The following PHF21B variants were observed in gnomAD, a reference collection of about 807,000 sequenced individuals.
The protein encoded by PHF21B is PHD finger protein 4.
Under a neutral mutation model 62.2 loss-of-function variants are expected in PHF21B, and 22 were observed. The observed-to-expected ratio is 0.35, with a 90% CI of 0.25 to 0.51. The LOEUF is 0.51. Ranked by LOEUF, PHF21B falls within the 20% of genes least tolerant of loss-of-function variation. The pLI is 0.97. For missense variants in PHF21B, 701 were observed against 707.9 expected (o/e 0.99, Z 0.11); for synonymous variants, 341 against 314.7 (o/e 1.08, Z -0.88).
intron 2 of PHF21B, among the ~76,000 whole-genome samples, chr22:44,954,454 G>A (rs2072254625): frequency 6.6e-6 from 1 of 152,086 alleles, no homozygotes; most frequent in Admixed American, 6.5e-5. Context: ...CAGCTACAGT[G>A]AATGAAGAAA....
At chr22:45,001,556 T>C (rs1026851598) in intron 2 of PHF21B, among the ~76,000 whole-genome samples, 2 of 152,164 alleles carry the variant, frequency 1.3e-5, no homozygotes, top group Non-Finnish European at 2.9e-5. Flanking sequence ...CCCAACTGCA[T>C]GTGAAAACAG....
At chr22:44,893,287 G>A (rs967271147) in intron 7 of PHF21B, among the ~76,000 whole-genome samples, 170 bp downstream of exon 7, 5 of 152,154 alleles carry the variant, frequency 3.3e-5, no homozygotes, top group Admixed American at 2.0e-4. Context: ...CTGTCAACTC[G>A]GAGGTGATGA....
intron 2 of PHF21B, among the ~76,000 whole-genome samples, chr22:44,988,868 G>C (rs867072557): frequency 6.6e-6 from 1 of 152,194 alleles, no homozygotes; most frequent in Non-Finnish European, 1.5e-5. Flanking sequence ...TCCACGTGGA[G>C]GGCCCCAGCA....
chr22:44,995,981 G>A (rs1601692528), intron 2 of PHF21B, among the ~76,000 whole-genome samples: 1 of 152,182 alleles, frequency 6.6e-6, no homozygotes, highest in East Asian at 1.9e-4. Flanking sequence ...AGTTCACCTC[G>A]ATCTGCAGGG....
At position 44,966,071 on chromosome 22, in the gene PHF21B, C is replaced by T. The variant is rs146329739; in HGVS notation, c.120+42474G>A. Among the ~76,000 whole-genome samples the T allele has an allele frequency of 6.7e-3, 1,020 of 152,306 alleles. 18 individuals are homozygous for T. The highest frequency in any genetic ancestry group is 0.023 in the African/African-American group (957 of 41,562). On this transcript the variant is annotated intron_variant, in intron 2 of 12. Coordinates refer to ENST00000313237, the MANE Select transcript of PHF21B (RefSeq NM_138415.5). ...CCAGCCATCCCTCCAGCCTGGAAAG[C>T]CCCTTCCACAGCTCAACTCTCCTCC...
intron 5 of PHF21B, among the ~76,000 whole-genome samples, chr22:44,900,761 C>A (rs1395218166): frequency 6.7e-6 from 1 of 150,148 alleles, no homozygotes; most frequent in Non-Finnish European, 1.5e-5. Context: ...ACCAGCTTAA[C>A]TGCTTTCCCT....
At chr22:44,983,575 G>A (rs908068049) in intron 2 of PHF21B, among the ~76,000 whole-genome samples, 1 of 152,216 alleles carries the variant, frequency 6.6e-6, no homozygotes, top group Non-Finnish European at 1.5e-5. Context: ...AAGGGCAGGC[G>A]AGGGAGGCTT....
chr22:44,958,756 C>A (rs900590193), intron 2 of PHF21B, among the ~76,000 whole-genome samples: 1 of 151,916 alleles, frequency 6.6e-6, no homozygotes, highest in Non-Finnish European at 1.5e-5. Flanking sequence ...CAGGCGCCTG[C>A]CACCACACCT....
intron 5 of PHF21B, among the ~76,000 whole-genome samples, chr22:44,899,362 C>T (rs951894202): frequency 6.9e-6 from 1 of 144,816 alleles, no homozygotes; most frequent in Admixed American, 7.2e-5. Flanking sequence ...ATGATCTCAG[C>T]TCACTGCAAT....
At chr22:44,948,458 G>A (rs573116482) in intron 2 of PHF21B, among the ~76,000 whole-genome samples, 18 of 152,226 alleles carry the variant, frequency 1.2e-4, no homozygotes, top group African/African-American at 4.3e-4. Flanking sequence ...GAGGCGGGCA[G>A]ATCATCTGAT....
chr22:44,917,095 C>T lies in PHF21B; in HGVS notation c.214-465G>A, dbSNP rs114764791. ...TTCTGCTTCTCAGTCTGGGTGGGGG[C>T]TGCTGCTGCGCTCCCGTGAAAACCA... On this transcript the variant is annotated intron_variant, in intron 3 of 12. Transcript: ENST00000313237. Among the ~76,000 whole-genome samples, 512 of 152,322 alleles carry T rather than the reference C, an allele frequency of 3.4e-3. 5 individuals carry two copies. Among genetic ancestry groups the T allele is most frequent in the African/African-American group, 0.012 (483 of 41,578 alleles).
chr22:44,899,285 C>CTTTTTTTTTTTTTT (rs71188499), intron 5 of PHF21B, among the ~76,000 whole-genome samples: 4 of 97,560 alleles, frequency 4.1e-5, no homozygotes, highest in Admixed American at 1.3e-4. Context: ...TGTTCTTATT[C>CTTTTTTTTTTTTTT]TTTTTTTTTT....
chr22:44,977,751 C>CT (rs2072764621), intron 2 of PHF21B, among the ~76,000 whole-genome samples: 1 of 126,820 alleles, frequency 7.9e-6, no homozygotes, highest in Admixed American at 7.5e-5. Flanking sequence ...GCTCATTTTT[C>CT]ATTTTTTTTT....
At chr22:44,938,052 A>G (rs2071884327) in intron 2 of PHF21B, among the ~76,000 whole-genome samples, 1 of 152,256 alleles carries the variant, frequency 6.6e-6, no homozygotes, top group South Asian at 2.1e-4. Context: ...AATGTATGCA[A>G]ATTTTATCTC....
chr22:44,986,065 T>C (rs1254786568), intron 2 of PHF21B, among the ~76,000 whole-genome samples: 1 of 147,344 alleles, frequency 6.8e-6, no homozygotes, highest in Non-Finnish European at 1.5e-5. Flanking sequence ...ATCACAATGA[T>C]CACCATTATC....
At chr22:44,893,335 AG>A in intron 7 of PHF21B, 121 bp downstream of exon 7, 1 of 876,018 alleles carries the variant, frequency 1.1e-6, no homozygotes, top group South Asian at 1.6e-5. Flanking sequence ...CCCCACTCCC[AG>A]GAGGGACAGA....
chr22:44,916,494 T>C lies in PHF21B; in HGVS notation c.350A>G (p.Asn117Ser), dbSNP rs772218647. ...KNPSPALPTA[N>S]NTVSHVPAPG... ...CGCTGGCACATGGCTGACAGTGTTGTTGGCGGTGGGGAGGGCTGGGCTGGG... is the reference window on the plus strand; with the variant it reads ...CGCTGGCACATGGCTGACAGTGTTGCTGGCGGTGGGGAGGGCTGGGCTGGG... Residue 117 changes from asparagine (N) to serine (S), a missense_variant, in exon 4 of 13, where the codon AAC becomes AGC. Physicochemically the swap from Asn to Ser is conservative, Grantham distance 46. Transcript: ENST00000313237. 4.4e-6 allele frequency: 7 copies of C among 1,608,056 alleles called. No individual in the cohort carries two copies. Among genetic ancestry groups the C allele is most frequent in the Non-Finnish European group, 2.5e-6 (3 of 1,179,466 alleles).
chr22:44,943,526 G>A (rs1331447719), intron 2 of PHF21B, among the ~76,000 whole-genome samples: 1 of 152,172 alleles, frequency 6.6e-6, no homozygotes, highest in Admixed American at 6.5e-5. Flanking sequence ...CTACATCTCC[G>A]TCTCCTCGTG....
chr22:44,954,021 C>A (rs1371988352), intron 2 of PHF21B, among the ~76,000 whole-genome samples: 3 of 152,222 alleles, frequency 2.0e-5, no homozygotes, highest in African/African-American at 7.2e-5. Context: ...AGGAGCCTCT[C>A]CCGGCTCAGA....
Sources: gnomAD v4.1 joint callset for allele counts (sites outside exome capture counted in the v4.1 genomes callset) on GRCh38, gnomAD v4.1.1 for gene constraint, MANE v1.5 for transcripts, NCBI Gene and HGNC (gene_info 2026-07-23, HGNC 2026-07-21) for gene names.